Variants in SCYL2 observed in about 807,000 individuals in gnomAD.
SCYL2 encodes SCY1-like protein 2.
SCYL2 carries 36 observed loss-of-function variants against 100.4 expected under a neutral mutation model. The observed-to-expected ratio is 0.36, with a 90% CI of 0.27 to 0.47. The LOEUF (loss-of-function observed/expected upper bound fraction) is 0.47. Ranked by LOEUF, SCYL2 falls within the 20% of genes least tolerant of loss-of-function variation. The pLI is 1.00. For missense variants in SCYL2, 902 were observed against 1,083.9 expected, an observed-to-expected ratio of 0.83 and a Z score of 2.36; for synonymous variants, 330 against 359.2, an observed-to-expected ratio of 0.92 and a Z score of 0.92.
intron 4 of SCYL2, among the ~76,000 whole-genome samples, chr12:100,310,628 A>G (rs1163384613): frequency 6.6e-6 from 1 of 152,250 alleles, no homozygotes; most frequent in African/African-American, 2.4e-5. Flanking sequence ...AAAACTGAGT[A>G]TAATGCTATT....
At chr12:100,273,656 A>G (rs528491657) in intron 1 of SCYL2, among the ~76,000 whole-genome samples, 2 of 152,332 alleles carry the variant, frequency 1.3e-5, no homozygotes, top group South Asian at 2.1e-4. Flanking sequence ...ATGTAACTGT[A>G]GTTTGCAGAC....
chr12:100,295,349 C>G (rs1471927540), intron 3 of SCYL2, among the ~76,000 whole-genome samples: 1 of 152,190 alleles, frequency 6.6e-6, no homozygotes, highest in Non-Finnish European at 1.5e-5. Context: ...AGGCAGGCGG[C>G]TGGGAGGTAG....
At chr12:100,299,911 A>G (rs886475600) in intron 4 of SCYL2, among the ~76,000 whole-genome samples, 4 of 152,200 alleles carry the variant, frequency 2.6e-5, no homozygotes, top group Non-Finnish European at 4.4e-5. Context: ...TAGTATGTGT[A>G]TGATTCACTT....
intron 16 of SCYL2, 34 bp downstream of exon 16, chr12:100,335,940 T>C (rs1228478582): frequency 1.3e-6 from 2 of 1,510,528 alleles, no homozygotes; most frequent in Admixed American, 1.7e-5. Context: ...AGCCCTCTTA[T>C]TTTATGCTGT....
At chr12:100,316,914 C>A (rs1053758166) in intron 9 of SCYL2, among the ~76,000 whole-genome samples, 17 of 152,240 alleles carry the variant, frequency 1.1e-4, no homozygotes, top group African/African-American at 3.1e-4. Flanking sequence ...CCAGCCTGGG[C>A]AACATGGTGA....
At chr12:100,318,332 T>TC (rs202211459) in intron 10 of SCYL2, among the ~76,000 whole-genome samples, 246 of 145,752 alleles carry the variant, frequency 1.7e-3, no homozygotes, top group African/African-American at 5.3e-3. Context: ...TTTCTTTCTT[T>TC]TTTTTTTTTT....
In SCYL2 at chr12:100,335,700, CAGCT is replaced by C. The variant is rs1477046975; in HGVS notation, c.1929+10_1929+13del. 1.2e-5 allele frequency: 19 copies of C among 1,608,786 alleles called. No individual in the cohort carries two copies. The highest frequency in any genetic ancestry group is 1.5e-5 in the Non-Finnish European group (18 of 1,176,570). On this transcript the variant is annotated intron_variant, in intron 15 of 17. Coordinates refer to ENST00000360820, the MANE Select transcript of SCYL2 (RefSeq NM_017988.6). Reference sequence around the variant, plus strand: ...CAAATATTGGGAATCAGGTAAGAAGCAGCTTAATTTTTGCAGAAAGTATGCTTCA... The same window carrying C: ...CAAATATTGGGAATCAGGTAAGAAGCTAATTTTTGCAGAAAGTATGCTTCA...
chr12:100,309,225 GC>G (rs2096338842), intron 4 of SCYL2, among the ~76,000 whole-genome samples: 1 of 151,912 alleles, frequency 6.6e-6, no homozygotes, highest in Non-Finnish European at 1.5e-5. Context: ...ATCTTACTCT[GC>G]CCTCTTCCAT....
rs370007494 is a variant in SCYL2, at chr12:100,338,550, T to C, written c.2168T>C (p.Leu723Pro). The C allele has an allele frequency of 1.9e-6, 3 of 1,610,096 alleles. No individual in the cohort carries two copies. Among genetic ancestry groups the C allele is most frequent in the Non-Finnish European group, 2.5e-6 (3 of 1,177,854 alleles). The change falls in exon 18 of 18, where the codon CTG (leucine) becomes CCG (proline). Residue 723 changes from leucine (L) to proline (P), a missense_variant. By Grantham distance (98) the Leu-to-Pro change is moderately conservative (BLOSUM62 -3). Transcript: ENST00000360820. ...VKQTKDLTDT[L>P]MDNMSSLTSL... is the part of the protein sequence containing the mutation. The stretch of plus-strand genomic sequence containing the variant: ...CAGACTAAGGACTTGACAGACACAC[T>C]GATGGATAATATGTCATCCTTGACC...
intron 4 of SCYL2, among the ~76,000 whole-genome samples, chr12:100,304,052 A>G (rs1441666469): frequency 6.6e-6 from 1 of 152,108 alleles, no homozygotes. Flanking sequence ...CTTTGTTTAC[A>G]CTGTGAGGGG....
intron 16 of SCYL2, among the ~76,000 whole-genome samples, 174 bp from the exon 17 acceptor site, chr12:100,337,213 A>G (rs1016651063): frequency 3.3e-5 from 5 of 152,294 alleles, no homozygotes; most frequent in Admixed American, 3.3e-4. Flanking sequence ...GTTTTTATCT[A>G]AAGTTAAATT....
intron 2 of SCYL2, among the ~76,000 whole-genome samples, chr12:100,289,087 A>G (rs1232236577): frequency 6.6e-6 from 1 of 152,208 alleles, no homozygotes; most frequent in Non-Finnish European, 1.5e-5. Context: ...CATGAATGGC[A>G]AGATGAGAAC....
At chr12:100,287,414 C>G (rs2096305573) in intron 2 of SCYL2, among the ~76,000 whole-genome samples, 1 of 152,086 alleles carries the variant, frequency 6.6e-6, no homozygotes, top group Non-Finnish European at 1.5e-5. Context: ...CCACCTCAGC[C>G]TCCCAAGTAA....
At chr12:100,299,901 T>C (rs1174107984) in intron 4 of SCYL2, among the ~76,000 whole-genome samples, 2 of 152,206 alleles carry the variant, frequency 1.3e-5, no homozygotes, top group Non-Finnish European at 2.9e-5. Flanking sequence ...CTAGATCAAA[T>C]AGTATGTGTA....
chr12:100,293,860 A>G (rs1394717503), intron 3 of SCYL2, among the ~76,000 whole-genome samples: 3 of 152,206 alleles, frequency 2.0e-5, no homozygotes, highest in Admixed American at 6.5e-5. Flanking sequence ...GTCACAGATC[A>G]ACGGGATCCC....
intron 1 of SCYL2, among the ~76,000 whole-genome samples, chr12:100,281,019 G>GTTTTGTTTTTTTTTTTTTTTTTTTT (rs2096297553): frequency 4.0e-5 from 2 of 50,466 alleles, no homozygotes; most frequent in African/African-American, 1.4e-4. Context: ...TACCATCAGT[G>GTTTTGTTTTTTTTTTTTTTTTTTTT]TTTTTTTTTT....
chr12:100,281,650 G>A (rs959934288), intron 1 of SCYL2, among the ~76,000 whole-genome samples: 3 of 152,090 alleles, frequency 2.0e-5, no homozygotes, highest in Non-Finnish European at 2.9e-5. Flanking sequence ...TGGCTAACAC[G>A]GTGAAACCCT....
At chr12:100,330,499 G>A (rs921911466) in intron 13 of SCYL2, among the ~76,000 whole-genome samples, 1 of 152,126 alleles carries the variant, frequency 6.6e-6, no homozygotes, top group African/African-American at 2.4e-5. Flanking sequence ...AATATTAATT[G>A]AATTGAGAGA....
At chr12:100,314,699 A>G (rs1592956904) in intron 8 of SCYL2, 85 bp downstream of exon 8, 2 of 1,301,946 alleles carry the variant, frequency 1.5e-6, no homozygotes, top group Non-Finnish European at 2.1e-6. Flanking sequence ...TCTTCCAAGA[A>G]AATAATATAA....
Sources: gnomAD v4.1 joint callset for allele counts (sites outside exome capture counted in the v4.1 genomes callset) on GRCh38, gnomAD v4.1.1 for gene constraint, MANE v1.5 for transcripts, NCBI Gene and HGNC (gene_info 2026-07-23, HGNC 2026-07-21) for gene names.